HTR1F: variants seen among roughly 807,000 people sequenced by gnomAD.
HTR1F encodes the protein 5-hydroxytryptamine (serotonin) receptor 1F, G protein-coupled.
Under a neutral mutation model 24.0 loss-of-function variants are expected in HTR1F, and 17 were observed. The observed-to-expected ratio is 0.71, with a 90% CI of 0.48 to 1.06. HTR1F has a LOEUF of 1.06. Among genes scored for constraint, HTR1F ranks in the 50% least tolerant of loss-of-function variants. HTR1F has a pLI of 0.00. For synonymous variants in HTR1F, 186 were observed against 156.8 expected, an observed-to-expected ratio of 1.19 and a Z score of -1.39; for missense variants, 391 against 427.8, an observed-to-expected ratio of 0.91 and a Z score of 0.76.
chr3:87,869,908 C>T (rs192298016), intron 2 of HTR1F, among the ~76,000 whole-genome samples: 32 of 151,970 alleles, frequency 2.1e-4, no homozygotes, highest in African/African-American at 7.0e-4. Flanking sequence ...ATCATAGTTG[C>T]GAATGAAAAT....
chr3:87,987,681 A>T (rs7616080), intron 2 of HTR1F, among the ~76,000 whole-genome samples: 15 of 127,630 alleles, frequency 1.2e-4, no homozygotes, highest in African/African-American at 4.3e-4. Flanking sequence ...TTATATATAT[A>T]TTTTATATAT....
At chr3:87,808,192 G>T (rs561429195) in intron 1 of HTR1F, among the ~76,000 whole-genome samples, 3 of 152,026 alleles carry the variant, frequency 2.0e-5, no homozygotes, top group South Asian at 4.1e-4. Flanking sequence ...AGGAGAATTG[G>T]AGTTAGTTCT....
At chr3:87,859,001 GCCTGGCCAACATGATGAAAC>G (rs572124809) in intron 2 of HTR1F, among the ~76,000 whole-genome samples, 89 of 152,252 alleles carry the variant, frequency 5.8e-4, no homozygotes, top group Middle Eastern at 3.4e-3. Context: ...TTCGAGACCA[GCCTGGCCAACATGATGAAAC>G]CCTGTCTCTA....
intron 2 of HTR1F, among the ~76,000 whole-genome samples, chr3:87,906,721 TTCATTGTA>T (rs1703676131): frequency 6.6e-6 from 1 of 150,816 alleles, no homozygotes; most frequent in African/African-American, 2.4e-5. Context: ...GTCCCCAAAG[TTCATTGTA>T]TCATTCTTAT....
At chr3:87,859,522 T>C (rs1042080906) in intron 2 of HTR1F, among the ~76,000 whole-genome samples, 1 of 152,208 alleles carries the variant, frequency 6.6e-6, no homozygotes, top group African/African-American at 2.4e-5. Flanking sequence ...ATTGTAATCA[T>C]TTCAGGAAGT....
At chr3:87,893,557 G>A (rs1706129890) in intron 2 of HTR1F, among the ~76,000 whole-genome samples, 1 of 152,186 alleles carries the variant, frequency 6.6e-6, no homozygotes, top group African/African-American at 2.4e-5. Context: ...TAGGCACAAT[G>A]TCAACAGTAG....
intron 2 of HTR1F, among the ~76,000 whole-genome samples, chr3:87,934,320 AC>A (rs1309077606): frequency 6.6e-6 from 1 of 152,180 alleles, no homozygotes; most frequent in East Asian, 1.9e-4. Context: ...TTGGTGTTCC[AC>A]CTTAATCCTG....
At chr3:87,931,992 G>A (rs962178508) in intron 2 of HTR1F, among the ~76,000 whole-genome samples, 3 of 152,048 alleles carry the variant, frequency 2.0e-5, no homozygotes, top group African/African-American at 7.2e-5. Context: ...CATTCTGTAG[G>A]TTGCCTGTTC....
intron 2 of HTR1F, among the ~76,000 whole-genome samples, chr3:87,848,921 A>C (rs1259699201): frequency 6.6e-6 from 1 of 151,604 alleles, no homozygotes; most frequent in African/African-American, 2.4e-5. Flanking sequence ...GACCTCTTCA[A>C]GGAGAACTAC....
intron 2 of HTR1F, among the ~76,000 whole-genome samples, chr3:87,981,973 C>T (rs1186296641): frequency 1.3e-5 from 2 of 151,782 alleles, no homozygotes; most frequent in Non-Finnish European, 2.9e-5. Context: ...TGGCCTGTCA[C>T]CCAGGCTAGA....
At chr3:87,956,231 A>G (rs1350820608) in intron 2 of HTR1F, among the ~76,000 whole-genome samples, 2 of 151,380 alleles carry the variant, frequency 1.3e-5, no homozygotes, top group Non-Finnish European at 3.0e-5. Flanking sequence ...TAAAGAATTG[A>G]TAATCATTAT....
At chr3:87,972,221 A>G (rs1576106041) in intron 2 of HTR1F, among the ~76,000 whole-genome samples, 1 of 152,210 alleles carries the variant, frequency 6.6e-6, no homozygotes, top group Non-Finnish European at 1.5e-5. Flanking sequence ...TTGTAATTCA[A>G]ATTTTTACTT....
chr3:87,808,346 C>T (rs938414418), intron 1 of HTR1F, among the ~76,000 whole-genome samples: 2 of 151,694 alleles, frequency 1.3e-5, no homozygotes, highest in African/African-American at 2.4e-5. Flanking sequence ...CAATCTTGGT[C>T]AGTTGTATGA....
In HTR1F at chr3:87,990,925, ATTAT is replaced by A. The variant is rs753621417; in HGVS notation, c.180_183del (p.Tyr60Ter). 6.2e-7 allele frequency: 1 copy of A among 1,614,140 alleles called. No individual in the cohort carries two copies. The highest frequency in any genetic ancestry group is 8.5e-7 in the Non-Finnish European group (1 of 1,180,014). ...ACCCGGAAGCTGCACCATCCAGCCAATTATTTAATTTGTTCCCTTGCAGTCACAG... is the reference window on the plus strand; with the variant it reads ...ACCCGGAAGCTGCACCATCCAGCCAATTAATTTGTTCCCTTGCAGTCACAG... On this transcript the variant is annotated frameshift_variant, in exon 3 of 3. Transcript: ENST00000319595. LOFTEE classifies it high-confidence loss of function.
At chr3:87,974,420 G>A (rs576240660) in intron 2 of HTR1F, among the ~76,000 whole-genome samples, 1 of 152,104 alleles carries the variant, frequency 6.6e-6, no homozygotes, top group South Asian at 2.1e-4. Context: ...CCGAGTGCAT[G>A]TTATTAAATT....
chr3:87,963,938 T>A (rs1466697645), intron 2 of HTR1F, among the ~76,000 whole-genome samples: 1 of 152,116 alleles, frequency 6.6e-6, no homozygotes, highest in Non-Finnish European at 1.5e-5. Flanking sequence ...CATTAATAAT[T>A]CAGAAATTAA....
At chr3:87,878,365 T>G (rs2938265) in intron 2 of HTR1F, among the ~76,000 whole-genome samples, 1 of 152,082 alleles carries the variant, frequency 6.6e-6, no homozygotes, top group African/African-American at 2.4e-5. Flanking sequence ...AGGAAGTAAA[T>G]GCTAAATCAT....
intron 2 of HTR1F, among the ~76,000 whole-genome samples, chr3:87,945,335 C>T (rs754420460): frequency 6.6e-6 from 1 of 152,100 alleles, no homozygotes. Context: ...TTTGGAGATA[C>T]AACTTGCTAG....
intron 1 of HTR1F, among the ~76,000 whole-genome samples, chr3:87,812,928 T>A (rs1387113992): frequency 6.6e-6 from 1 of 152,208 alleles, no homozygotes; most frequent in Non-Finnish European, 1.5e-5. Context: ...AGAATTGAGG[T>A]TTGGGAACCT....
Sources: allele counts gnomAD v4.1 joint callset (sites outside exome capture counted in the v4.1 genomes callset), GRCh38; gene constraint gnomAD v4.1.1; transcripts MANE v1.5; gene names NCBI Gene and HGNC (gene_info 2026-07-23, HGNC 2026-07-21).